Variants in CYP2J2 observed in about 807,000 individuals in gnomAD.
CYP2J2 encodes the protein cytochrome P450 2J2.
A neutral mutation model predicts 48.8 loss-of-function variants in CYP2J2; 41 were observed. That is an observed-to-expected ratio of 0.84 (90% CI 0.66 to 1.09). The LOEUF (loss-of-function observed/expected upper bound fraction) is 1.09. CYP2J2 is among the 50% of genes least tolerant of loss of function. The pLI, the probability that CYP2J2 is intolerant of heterozygous loss-of-function variation, is 0.00. For synonymous variants in CYP2J2, 221 were observed against 227.1 expected, an observed-to-expected ratio of 0.97 and a Z score of 0.24; for missense variants, 644 against 617.3, an observed-to-expected ratio of 1.04 and a Z score of -0.46.
chr1:59,928,446 A>G (rs1644586670), upstream of CYP2J2, among the ~76,000 whole-genome samples: 4 of 152,210 alleles, frequency 2.6e-5, no homozygotes, highest in African/African-American at 9.6e-5. Flanking sequence ...TCTTTCTCCT[A>G]GTCCCCAGAT....
At chr1:59,921,698 A>C (rs1428872339) in intron 1 of CYP2J2, among the ~76,000 whole-genome samples, 2 of 151,210 alleles carry the variant, frequency 1.3e-5, no homozygotes, top group Non-Finnish European at 2.9e-5. Flanking sequence ...CAGGACGTGA[A>C]GCTAGACAAC....
chr1:59,916,172 G>A, intron 1 of CYP2J2, 72 bp from the exon 2 acceptor site: 1 of 1,327,562 alleles, frequency 7.5e-7, no homozygotes, highest in Non-Finnish European at 1.1e-6. Context: ...GATGTGTGTA[G>A]CTGGAGGGGA....
intron 1 of CYP2J2, among the ~76,000 whole-genome samples, chr1:59,917,035 A>G (rs1191509597): frequency 1.3e-5 from 2 of 152,124 alleles, no homozygotes; most frequent in Non-Finnish European, 2.9e-5. Context: ...AAAGCCCTCG[A>G]GCTCTGGAGT....
the CYP2J2 span, among the ~76,000 whole-genome samples, chr1:59,963,116 T>C: frequency 1.3e-5 from 2 of 152,238 alleles, no homozygotes; most frequent in African/African-American, 4.8e-5. Flanking sequence ...CACATTGAGA[T>C]ATGCAATTCA....
chr1:59,937,754 T>C, the CYP2J2 span, among the ~76,000 whole-genome samples: 4 of 152,152 alleles, frequency 2.6e-5, no homozygotes, highest in African/African-American at 9.7e-5. Flanking sequence ...TTATTGTGTT[T>C]TATTCTTCGT....
chr1:59,962,447 T>C, the CYP2J2 span, among the ~76,000 whole-genome samples: 1 of 152,172 alleles, frequency 6.6e-6, no homozygotes, highest in Non-Finnish European at 1.5e-5. Context: ...AAAAAAATTC[T>C]TTTGGTTTAT....
At chr1:59,904,730 T>C in intron 7 of CYP2J2, 141 bp downstream of exon 7, 2 of 690,796 alleles carry the variant, frequency 2.9e-6, no homozygotes, top group Middle Eastern at 4.1e-4. Flanking sequence ...AGACTACACA[T>C]GGAGAAAATC....
At chr1:59,909,747 C>G in intron 5 of CYP2J2, 37 bp downstream of exon 5, 1 of 1,515,044 alleles carries the variant, frequency 6.6e-7, no homozygotes, top group Non-Finnish European at 8.9e-7. Flanking sequence ...TATTTGTGCT[C>G]TAAGAACAAA....
rs374998965 is a variant in CYP2J2 at position 59,893,758 on chromosome 1, T to C, written c.1402A>G (p.Lys468Glu). The change falls in exon 9 of 9, where the codon AAA (lysine) becomes GAA (glutamate). Residue 468 changes from lysine (K) to glutamate (E), a missense_variant. Physicochemically the swap from Lys to Glu is moderately conservative, Grantham distance 56. Transcript: ENST00000371204. The stretch of plus-strand genomic sequence containing the variant: ...TTGTTTGGGGGCCTGAAGGTAAATT[T>C]TTGCATAAGGGAAGTGAAGAAAATA... ...LFIFFTSLMQKFTFRPPNNEK... is the reference protein window; with the variant it reads ...LFIFFTSLMQEFTFRPPNNEK... 6.2e-7 allele frequency: 1 copy of C among 1,613,378 alleles called. No homozygotes were observed. The highest frequency in any genetic ancestry group is 1.3e-5 in the African/African-American group (1 of 74,932).
At chr1:59,907,530 C>G (rs11572280) in intron 6 of CYP2J2, among the ~76,000 whole-genome samples, 2 of 152,190 alleles carry the variant, frequency 1.3e-5, no homozygotes, top group Non-Finnish European at 2.9e-5. Flanking sequence ...ATCTCAATGT[C>G]GACTGACTTC....
intron 8 of CYP2J2, among the ~76,000 whole-genome samples, chr1:59,895,393 G>A (rs1295661826): frequency 6.6e-6 from 1 of 152,238 alleles, no homozygotes; most frequent in South Asian, 2.1e-4. Context: ...TTCCATTTTG[G>A]GTAGGAATAT....
the CYP2J2 span, among the ~76,000 whole-genome samples, chr1:59,967,481 G>A: frequency 1.3e-5 from 2 of 152,234 alleles, no homozygotes; most frequent in East Asian, 1.9e-4. Context: ...TTATCAAGGC[G>A]TGCTGTGGGC....
intron 8 of CYP2J2, among the ~76,000 whole-genome samples, chr1:59,894,831 A>G (rs918008415): frequency 1.3e-5 from 2 of 152,252 alleles, no homozygotes; most frequent in Non-Finnish European, 2.9e-5. Flanking sequence ...ACAGGAGAAT[A>G]CAATTTAAAA....
upstream of CYP2J2, among the ~76,000 whole-genome samples, chr1:59,931,718 C>T (rs1434377665): frequency 6.6e-6 from 1 of 151,758 alleles, no homozygotes; most frequent in Non-Finnish European, 1.5e-5. Flanking sequence ...CCTGTTTATC[C>T]AAAAAAGTGA....
At chr1:59,935,290 C>A in the CYP2J2 span, among the ~76,000 whole-genome samples, 1 of 151,724 alleles carries the variant, frequency 6.6e-6, no homozygotes, top group African/African-American at 2.4e-5. Context: ...AGGGTACACA[C>A]CTGCAGTTAT....
chr1:59,946,568 C>T, the CYP2J2 span, among the ~76,000 whole-genome samples: 1 of 152,136 alleles, frequency 6.6e-6, no homozygotes, highest in Non-Finnish European at 1.5e-5. Flanking sequence ...ACTGCTATGT[C>T]GCCAATGATC....
At chr1:59,955,075 T>C in the CYP2J2 span, among the ~76,000 whole-genome samples, 1 of 151,604 alleles carries the variant, frequency 6.6e-6, no homozygotes, top group Non-Finnish European at 1.5e-5. Flanking sequence ...GAGGCGGATG[T>C]TGCAGTGAGC....
intron 1 of CYP2J2, among the ~76,000 whole-genome samples, chr1:59,917,262 C>G (rs945419090): frequency 7.2e-5 from 11 of 152,142 alleles, no homozygotes; most frequent in African/African-American, 2.4e-4. Context: ...TGAAAGAGCT[C>G]TGTGTGCAGA....
intron 2 of CYP2J2, among the ~76,000 whole-genome samples, chr1:59,914,168 GT>G (rs1644443723): frequency 6.6e-6 from 1 of 152,154 alleles, no homozygotes; most frequent in Non-Finnish European, 1.5e-5. Context: ...TTCTATTATA[GT>G]TAACTGATAC....
Sources: allele counts gnomAD v4.1 joint callset (sites outside exome capture counted in the v4.1 genomes callset), GRCh38; gene constraint gnomAD v4.1.1; transcripts MANE v1.5; gene names NCBI Gene and HGNC (gene_info 2026-07-23, HGNC 2026-07-21).